Variants in BMPR1B observed in about 807,000 individuals in gnomAD.
BMPR1B encodes bone morphogenetic protein receptor type 1B, also known as bone morphogenetic protein receptor type-1B.
A neutral mutation model predicts 59.1 loss-of-function variants in BMPR1B; 12 were observed. The observed-to-expected ratio is 0.20, with a 90% CI of 0.13 to 0.33. The LOEUF (loss-of-function observed/expected upper bound fraction) is 0.33. BMPR1B is among the 10% of genes least tolerant of loss of function. The pLI is 1.00. For synonymous variants in BMPR1B, 237 were observed against 207.3 expected, an observed-to-expected ratio of 1.14 and a Z score of -1.23; for missense variants, 550 against 610.9, an observed-to-expected ratio of 0.90 and a Z score of 1.05.
intron 4 of BMPR1B, among the ~76,000 whole-genome samples, chr4:95,114,386 G>C (rs1021755330): frequency 6.6e-6 from 1 of 152,060 alleles, no homozygotes; most frequent in African/African-American, 2.4e-5. Context: ...TGGAAAAGTA[G>C]TATCTGTGAA....
At chr4:94,943,644 C>T (rs17401411) in intron 2 of BMPR1B, among the ~76,000 whole-genome samples, 37,592 of 152,044 alleles carry the variant, frequency 0.25, 4,679 homozygotes, top group South Asian at 0.36. Context: ...TAAGTACAAG[C>T]TGAGAAATAT....
At chr4:94,817,348 C>A (rs1283099736) in intron 1 of BMPR1B, among the ~76,000 whole-genome samples, 4 of 152,112 alleles carry the variant, frequency 2.6e-5, no homozygotes, top group African/African-American at 9.7e-5. Flanking sequence ...GAAGAATATG[C>A]CATAAAATCT....
At chr4:95,011,440 C>T (rs1258537551) in intron 3 of BMPR1B, among the ~76,000 whole-genome samples, 5 of 152,244 alleles carry the variant, frequency 3.3e-5, no homozygotes, top group South Asian at 2.1e-4. Flanking sequence ...TTTTCTGCTC[C>T]GCCAGCCTAG....
chr4:94,781,230 TCATAA>T (rs889948599), intron 1 of BMPR1B, among the ~76,000 whole-genome samples: 179 of 152,310 alleles, frequency 1.2e-3, no homozygotes, highest in African/African-American at 4.0e-3. Context: ...AATATATGTC[TCATAA>T]CAGATATATG....
chr4:94,840,073 A>G (rs1401835040), intron 1 of BMPR1B, among the ~76,000 whole-genome samples: 1 of 151,592 alleles, frequency 6.6e-6, no homozygotes, highest in African/African-American at 2.4e-5. Context: ...TTTCTTTAAG[A>G]ATGTTGAATA....
chr4:94,930,056 T>C (rs12512097), intron 2 of BMPR1B, among the ~76,000 whole-genome samples: 21,483 of 152,016 alleles, frequency 0.14, 1,568 homozygotes, highest in African/African-American at 0.18. Context: ...CACCATTCTC[T>C]ACTTTAAACT....
chr4:94,864,164 C>T lies in BMPR1B; in HGVS notation c.-182-11667C>T, dbSNP rs1026615895. On this transcript the variant is annotated intron_variant, in intron 1 of 12. Coordinates refer to ENST00000515059, the MANE Select transcript of BMPR1B (RefSeq NM_001203.3). Reference sequence around the variant, plus strand: ...AGTGGGAAAAATCAAGGGATATATACGGTAAAGAAACAGTGGTCTCTGGCT... The same window carrying T: ...AGTGGGAAAAATCAAGGGATATATATGGTAAAGAAACAGTGGTCTCTGGCT... 7.2e-5 allele frequency among the ~76,000 whole-genome samples: 11 copies of T among 152,198 alleles called. No individual in the cohort carries two copies. The South Asian group carries it at 1.2e-3, about 17-fold the overall frequency.
chr4:94,803,837 G>C (rs4456963), intron 1 of BMPR1B, among the ~76,000 whole-genome samples: 11 of 152,108 alleles, frequency 7.2e-5, no homozygotes, highest in Middle Eastern at 3.4e-3. Flanking sequence ...GGGAAAGGTC[G>C]TGTGCTTAAA....
At chr4:94,878,975 A>T (rs1011584251) in intron 2 of BMPR1B, among the ~76,000 whole-genome samples, 2 of 152,058 alleles carry the variant, frequency 1.3e-5, no homozygotes, top group African/African-American at 4.8e-5. Context: ...TTCACATTGC[A>T]TATTCAGGCA....
chr4:95,103,693 A>G (rs570024814), intron 3 of BMPR1B, among the ~76,000 whole-genome samples: 54 of 152,214 alleles, frequency 3.5e-4, no homozygotes, highest in African/African-American at 1.3e-3. Flanking sequence ...TGTTGAACCC[A>G]GAATATCTCT....
chr4:94,892,212 C>T (rs1488493249), intron 2 of BMPR1B, among the ~76,000 whole-genome samples: 2 of 151,996 alleles, frequency 1.3e-5, no homozygotes, highest in African/African-American at 4.8e-5. Flanking sequence ...ATGTGTTGTC[C>T]CAGTAGATTA....
intron 2 of BMPR1B, among the ~76,000 whole-genome samples, chr4:94,879,403 C>T (rs1283519374): frequency 6.6e-6 from 1 of 152,116 alleles, no homozygotes; most frequent in Non-Finnish European, 1.5e-5. Flanking sequence ...AAGTTTGAAA[C>T]CAGCCTAGGC....
intron 10 of BMPR1B, among the ~76,000 whole-genome samples, chr4:95,145,948 C>T (rs1734609677): frequency 6.6e-6 from 1 of 152,142 alleles, no homozygotes; most frequent in East Asian, 1.9e-4. Flanking sequence ...TTTAAATTAT[C>T]CATAGCAAAG....
At chr4:95,082,828 G>C (rs28412242) in intron 3 of BMPR1B, among the ~76,000 whole-genome samples, 93,536 of 151,532 alleles carry the variant, frequency 0.62, 29,716 homozygotes, top group South Asian at 0.73. Flanking sequence ...CACGAGGTCA[G>C]GAGATTGAGA....
At chr4:94,796,389 TCA>T (rs1560488946) in intron 1 of BMPR1B, among the ~76,000 whole-genome samples, 1 of 152,198 alleles carries the variant, frequency 6.6e-6, no homozygotes, top group African/African-American at 2.4e-5. Context: ...CTTTGTAAAA[TCA>T]CAGAGTTGTG....
chr4:95,042,957 T>C (rs911737178), intron 3 of BMPR1B, among the ~76,000 whole-genome samples: 3 of 150,796 alleles, frequency 2.0e-5, no homozygotes, highest in Admixed American at 6.6e-5. Flanking sequence ...GGGTGGATCA[T>C]GAGGTCAGGA....
intron 3 of BMPR1B, among the ~76,000 whole-genome samples, chr4:95,101,030 A>G (rs1730783231): frequency 6.6e-6 from 1 of 152,162 alleles, no homozygotes. Flanking sequence ...AATGGATCAC[A>G]GAAGAACTGA....
intron 2 of BMPR1B, among the ~76,000 whole-genome samples, chr4:94,945,634 C>T (rs776400666): frequency 1.3e-5 from 2 of 152,106 alleles, no homozygotes; most frequent in African/African-American, 2.4e-5. Flanking sequence ...GAGGTCTCAC[C>T]GTGTTGCCCA....
At chr4:94,872,858 G>A (rs985126660) in intron 1 of BMPR1B, among the ~76,000 whole-genome samples, 7 of 152,168 alleles carry the variant, frequency 4.6e-5, no homozygotes, top group African/African-American at 1.7e-4. Flanking sequence ...AAAGTTGTAC[G>A]AGGCAGTTTC....
Sources: allele counts gnomAD v4.1 joint callset (sites outside exome capture counted in the v4.1 genomes callset), GRCh38; gene constraint gnomAD v4.1.1; transcripts MANE v1.5; gene names NCBI Gene and HGNC (gene_info 2026-07-23, HGNC 2026-07-21).